The following CEP68 variants were observed in gnomAD, a reference collection of about 807,000 sequenced individuals.
CEP68 encodes the protein centrosomal protein of 68 kDa.
In CEP68, 26 loss-of-function variants were observed where a neutral mutation model predicts 55.3. That is an observed-to-expected ratio of 0.47 (90% confidence interval 0.34 to 0.65). The LOEUF (loss-of-function observed/expected upper bound fraction) is 0.65, where lower values mean the gene tolerates loss of function less well. Ranked by LOEUF, CEP68 falls within the 30% of genes least tolerant of loss-of-function variation. The pLI is 0.01. For synonymous variants in CEP68, 402 were observed against 383.2 expected (o/e 1.05, Z -0.57); for missense variants, 957 against 946.7 (o/e 1.01, Z -0.14).
At chr2:65,082,891 T>A (rs1668897685) in intron 6 of CEP68, among the ~76,000 whole-genome samples, 182 bp downstream of exon 6, 1 of 152,256 alleles carries the variant, frequency 6.6e-6, no homozygotes, top group Non-Finnish European at 1.5e-5. Context: ...CTCACTGCGG[T>A]GCTTTCCATT....
In CEP68 at chr2:65,072,996, G is replaced by A. The variant is rs987051889; in HGVS notation, c.1884+16G>A. On this transcript the variant is annotated intron_variant, in intron 3 of 6. Transcript: ENST00000377990. Reference sequence around the variant, plus strand: ...ATGTGTGAAGGTAATGACACTCAACGTTAGGAAGCTTTGTGTACAGGTGTC... The same window carrying A: ...ATGTGTGAAGGTAATGACACTCAACATTAGGAAGCTTTGTGTACAGGTGTC... 43 of 1,613,708 alleles carry A rather than the reference G, an allele frequency of 2.7e-5. No individual in the cohort carries two copies. Among genetic ancestry groups the A allele is most frequent in the Middle Eastern group, 1.6e-4 (1 of 6,062 alleles).
chr2:65,066,961 G>T (rs1434049048), intron 1 of CEP68, among the ~76,000 whole-genome samples: 1 of 150,966 alleles, frequency 6.6e-6, no homozygotes, highest in Non-Finnish European at 1.5e-5. Context: ...CGTACCAAGT[G>T]ATGTTACTGA....
At chr2:65,060,996 G>A (rs942369688) in intron 1 of CEP68, among the ~76,000 whole-genome samples, 2 of 152,172 alleles carry the variant, frequency 1.3e-5, no homozygotes, top group Non-Finnish European at 2.9e-5. Context: ...GGCCAACATG[G>A]TGAAACCCTG....
chr2:65,072,474 G>A lies in CEP68; in HGVS notation c.1378G>A (p.Ala460Thr). Residue 460 changes from alanine to threonine, a missense_variant, in exon 3 of 7, where the codon GCC (alanine) becomes ACC (threonine). Ala to Thr is a moderately conservative substitution (Grantham distance 58). Coordinates refer to ENST00000377990, the MANE Select transcript of CEP68 (RefSeq NM_015147.3). Reference sequence around the variant, plus strand: ...GAGGGAGAAGAGGACCAGCCAGAGTGCCCGGCGCCCTACCTGCACAGAGTC... The same window carrying A: ...GAGGGAGAAGAGGACCAGCCAGAGTACCCGGCGCCCTACCTGCACAGAGTC... ...PEREKRTSQS[A>T]RRPTCTESRW... is the part of the protein sequence containing the mutation. The A allele has an allele frequency of 3.7e-6, 6 of 1,614,106 alleles. No individual in the cohort carries two copies. Among genetic ancestry groups the A allele is most frequent in the Non-Finnish European group, 5.1e-6 (6 of 1,180,030 alleles).
intron 1 of CEP68, among the ~76,000 whole-genome samples, chr2:65,060,804 A>C (rs1675876523): frequency 1.3e-5 from 2 of 152,200 alleles, no homozygotes; most frequent in South Asian, 4.1e-4. Context: ...ACTGCTGAGG[A>C]GGCCAGAGAG....
Position 65,071,688 on chromosome 2 carries a change from A to G in CEP68, c.592A>G (p.Ile198Val), listed in dbSNP as rs1372910521. 4 of 1,614,020 alleles carry G rather than the reference A, an allele frequency of 2.5e-6. No homozygotes were observed. Among genetic ancestry groups the G allele is most frequent in the Admixed American group, 1.7e-5 (1 of 60,002 alleles). Residue 198 changes from isoleucine to valine, a missense_variant, in exon 3 of 7, where the codon ATC (isoleucine) becomes GTC (valine). Transcript: ENST00000377990. Reference protein sequence around the residue: ...GSAAQPSSCSISASSTGSSLQ... With the variant: ...GSAAQPSSCSVSASSTGSSLQ... Reference sequence around the variant, plus strand: ...CGCAGCTCAGCCTTCCAGCTGCAGCATCTCTGCTTCCTCCACAGGCAGCAG... The same window carrying G: ...CGCAGCTCAGCCTTCCAGCTGCAGCGTCTCTGCTTCCTCCACAGGCAGCAG...
intron 1 of CEP68, among the ~76,000 whole-genome samples, chr2:65,062,792 G>A (rs147084846): frequency 5.0e-4 from 76 of 151,592 alleles, no homozygotes; most frequent in Non-Finnish European, 8.0e-4. Flanking sequence ...AGCCAAGATC[G>A]TGCCACTGCA....
At position 65,063,193 on chromosome 2, in the gene CEP68, T is replaced by C. The variant is rs80163150; in HGVS notation, c.-46-6206T>C. On this transcript the variant is annotated intron_variant, in intron 1 of 6. Transcript: ENST00000377990. ...GGTGGATCATACAGCCTCTTCAGGT[T>C]CTGGAAACTAACAGAATTTTAATAG... Among the ~76,000 whole-genome samples the C allele has an allele frequency of 3.9e-5, 6 of 152,374 alleles. No individual in the cohort carries two copies. In the East Asian group the frequency reaches 1.2e-3, roughly 29 times the overall value.
chr2:65,060,803 G>A (rs1249266801), intron 1 of CEP68, among the ~76,000 whole-genome samples: 1 of 152,192 alleles, frequency 6.6e-6, no homozygotes, highest in African/African-American at 2.4e-5. Context: ...GACTGCTGAG[G>A]AGGCCAGAGA....
chr2:65,080,981 C>T (rs1230827903), intron 5 of CEP68, among the ~76,000 whole-genome samples: 4 of 151,964 alleles, frequency 2.6e-5, no homozygotes, highest in African/African-American at 9.7e-5. Context: ...GAGGCCAAGG[C>T]GGGTGGATCA....
intron 1 of CEP68, among the ~76,000 whole-genome samples, chr2:65,066,767 TAC>T (rs1410492650): frequency 1.3e-3 from 90 of 69,486 alleles, no homozygotes; most frequent in African/African-American, 5.5e-3. Flanking sequence ...TATATATATA[TAC>T]ACACACAAAA....
intron 1 of CEP68, among the ~76,000 whole-genome samples, chr2:65,062,812 G>A (rs921270051): frequency 5.9e-5 from 9 of 151,588 alleles, no homozygotes; most frequent in African/African-American, 1.9e-4. Context: ...ACTCCAGCCT[G>A]GGCGACAGAG....
intron 1 of CEP68, among the ~76,000 whole-genome samples, chr2:65,058,412 C>T (rs1030597941): frequency 1.1e-4 from 17 of 151,668 alleles, no homozygotes; most frequent in African/African-American, 4.1e-4. Context: ...CTATATTGCC[C>T]AGGCTTGTCT....
At position 65,085,128 on chromosome 2, in the gene CEP68, T is replaced by C. The variant is rs1668990376; in HGVS notation, c.*1494T>C. ...TCCTTCCACTGAGTATGTTACTGAATAGCCCTTAGGAAATTAAACCCATTT... is the reference window on the plus strand; with the variant it reads ...TCCTTCCACTGAGTATGTTACTGAACAGCCCTTAGGAAATTAAACCCATTT... On this transcript the variant is annotated 3_prime_UTR_variant, in exon 7 of 7. Coordinates refer to ENST00000377990, the MANE Select transcript of CEP68 (RefSeq NM_015147.3). 1.3e-5 allele frequency: 2 copies of C among 152,224 alleles called. No homozygotes were observed. Among genetic ancestry groups the C allele is most frequent in the African/African-American group, 4.8e-5 (2 of 41,456 alleles). The allele number at this position is 152,224 out of a possible 1,614,324, so 9.4% of individuals were successfully genotyped here.
Position 65,072,089 on chromosome 2 carries a change from C to T in CEP68, c.993C>T (p.Asp331=). ...TGCCAGCTGACCCTGTCCTGCAGGA[C>T]TCCGGGGTAGACCTGGATAGCTTCT... ...SRVPADPVLQ[D]SGVDLDSFSV... The change falls in exon 3 of 7, where the codon GAC becomes GAT. Residue 331 remains aspartate (D), a synonymous_variant. Transcript: ENST00000377990. 6.2e-7 allele frequency: 1 copy of T among 1,614,078 alleles called. No homozygotes were observed. Among genetic ancestry groups the T allele is most frequent in the Non-Finnish European group, 8.5e-7 (1 of 1,180,014 alleles).
intron 1 of CEP68, among the ~76,000 whole-genome samples, chr2:65,065,972 AC>A: frequency 6.6e-6 from 1 of 151,060 alleles, no homozygotes; most frequent in Middle Eastern, 3.4e-3. Context: ...AAAAAAAAAA[AC>A]ACAAGATTAT....
At position 65,071,508 on chromosome 2, in the gene CEP68, C is replaced by G. The variant is rs760916560; in HGVS notation, c.412C>G (p.Pro138Ala). ...SEEFPQTLSL[P>A]RTTTICSGHD... ...GGAGTTCCCTCAGACTCTGAGCCTT[C>G]CCAGAACAACAACTATTTGCTCAGG... Residue 138 changes from proline (P) to alanine (A), a missense_variant, in exon 3 of 7, where the codon CCC becomes GCC. Pro to Ala is a conservative substitution (Grantham distance 27). Transcript: ENST00000377990. 1.9e-6 allele frequency: 3 copies of G among 1,611,920 alleles called. No homozygotes were observed. Among genetic ancestry groups the G allele is most frequent in the Non-Finnish European group, 2.5e-6 (3 of 1,178,794 alleles).
rs538621521 is a variant in CEP68 at position 65,064,500 on chromosome 2, C to T, written c.-46-4899C>T. ...CTGTAATCCCAGCACTTTGGGAGGC[C>T]GAGGCAGGCAGATCACGATGTCAGG... is the stretch of plus-strand genomic sequence containing the variant. On this transcript the variant is annotated intron_variant, in intron 1 of 6. Transcript: ENST00000377990. Among the ~76,000 whole-genome samples, 6 of 152,086 alleles carry T rather than the reference C, an allele frequency of 3.9e-5. No homozygotes were observed. The South Asian group carries it at 1.0e-3, about 26-fold the overall frequency.
chr2:65,072,629 G>A lies in CEP68; in HGVS notation c.1533G>A (p.Gly511=), dbSNP rs1347992750. 1.7e-5 allele frequency: 27 copies of A among 1,614,098 alleles called. No homozygotes were observed. Among genetic ancestry groups the A allele is most frequent in the Non-Finnish European group, 2.3e-5 (27 of 1,180,008 alleles). Residue 511 remains glycine (G), a synonymous_variant, in exon 3 of 7, where the codon GGG becomes GGA. Coordinates refer to ENST00000377990, the MANE Select transcript of CEP68 (RefSeq NM_015147.3). The part of the protein sequence containing the change: ...SISTLVTLPT[G]DIKGQSPLEV... Reference sequence around the variant, plus strand: ...CTACCTTGGTTACCCTGCCCACTGGGGATATCAAAGGGCAGAGCCCCTTGG... The same window carrying A: ...CTACCTTGGTTACCCTGCCCACTGGAGATATCAAAGGGCAGAGCCCCTTGG...
Sources: gnomAD v4.1 joint callset for allele counts (sites outside exome capture counted in the v4.1 genomes callset) on GRCh38, gnomAD v4.1.1 for gene constraint, MANE v1.5 for transcripts, NCBI Gene and HGNC (gene_info 2026-07-23, HGNC 2026-07-21) for gene names.